Variants in MAN1A1 observed in about 807,000 individuals in gnomAD.
The protein encoded by MAN1A1 is mannosidase alpha class 1A member 1, also known as mannosyl-oligosaccharide 1,2-alpha-mannosidase IA.
Under a neutral mutation model 70.8 loss-of-function variants are expected in MAN1A1, and 29 were observed. The ratio of observed to expected loss-of-function variants is 0.41; its 90% CI spans 0.31 to 0.56. The LOEUF is 0.56. MAN1A1 is among the 20% of genes least tolerant of loss of function. The probability of loss-of-function intolerance (pLI) is 0.29; values close to 1 mark genes in which losing one functional copy is unlikely to be tolerated. For synonymous variants in MAN1A1, 349 were observed against 330.1 expected (o/e 1.06, Z -0.62); for missense variants, 747 against 841.3 (o/e 0.89, Z 1.39).
At chr6:119,336,953 CT>C (rs1270799369) in intron 2 of MAN1A1, among the ~76,000 whole-genome samples, 2 of 151,456 alleles carry the variant, frequency 1.3e-5, no homozygotes, top group African/African-American at 4.8e-5. Context: ...AATAACATAT[CT>C]AAAAAAAAAA....
chr6:119,233,476 T>C (rs1177465152), intron 6 of MAN1A1, among the ~76,000 whole-genome samples: 2 of 152,200 alleles, frequency 1.3e-5, no homozygotes, highest in Non-Finnish European at 2.9e-5. Flanking sequence ...CTTAATGTAA[T>C]GAGACAATAT....
chr6:119,213,947 CA>C lies in MAN1A1; in HGVS notation c.993-9066del, dbSNP rs776948045. On this transcript the variant is annotated intron_variant, in intron 6 of 12. Transcript: ENST00000368468. ...ATTATATTATTAGATAAATATATTG[CA>C]AATGTAATGAAATGCCTAAAAACAT... is the stretch of plus-strand genomic sequence containing the variant. Among the ~76,000 whole-genome samples the C allele has an allele frequency of 3.3e-5, 5 of 152,018 alleles. No individual in the cohort carries two copies. The South Asian group carries it at 1.0e-3, about 32-fold the overall frequency.
chr6:119,348,374 T>G, intron 2 of MAN1A1, 89 bp downstream of exon 2: 2 of 1,281,582 alleles, frequency 1.6e-6, no homozygotes, highest in Non-Finnish European at 2.1e-6. Context: ...ATACATTGCA[T>G]TGTTGCAGTC....
intron 5 of MAN1A1, among the ~76,000 whole-genome samples, chr6:119,269,905 C>T (rs1775869693): frequency 6.6e-6 from 1 of 152,340 alleles, no homozygotes; most frequent in Non-Finnish European, 1.5e-5. Context: ...AAGCTATCCT[C>T]CTGCCTCAGC....
At chr6:119,220,024 C>T (rs1469271409) in intron 6 of MAN1A1, among the ~76,000 whole-genome samples, 1 of 151,874 alleles carries the variant, frequency 6.6e-6, no homozygotes, top group African/African-American at 2.4e-5. Flanking sequence ...AAAATCCATA[C>T]ACTTTTGAAT....
intron 3 of MAN1A1, among the ~76,000 whole-genome samples, chr6:119,304,531 A>AAT (rs1772478469): frequency 6.6e-6 from 1 of 152,200 alleles, no homozygotes; most frequent in Admixed American, 6.5e-5. Context: ...GAAATCTTGA[A>AAT]ATAAATAGTT....
rs1378786746 is a variant in MAN1A1, at chr6:119,346,956, T to C, written c.603+1507A>G. ...TAAGAGGTAGAGCTTTGTTCCACCT[T>C]CCTGATTTGGTAGCACAGGCAGGAT... is the stretch of plus-strand genomic sequence containing the variant. On this transcript the variant is annotated intron_variant, in intron 2 of 12. Transcript: ENST00000368468. 2.0e-5 allele frequency among the ~76,000 whole-genome samples: 3 copies of C among 152,194 alleles called. No homozygotes were observed. The East Asian group carries it at 5.8e-4, about 29-fold the overall frequency.
chr6:119,257,012 T>C (rs1259189436), intron 5 of MAN1A1, among the ~76,000 whole-genome samples: 1 of 152,176 alleles, frequency 6.6e-6, no homozygotes, highest in African/African-American at 2.4e-5. Context: ...AATTAAGTGA[T>C]ACATGCTGTA....
intron 5 of MAN1A1, among the ~76,000 whole-genome samples, chr6:119,289,717 T>G (rs1776481749): frequency 6.6e-6 from 1 of 151,870 alleles, no homozygotes; most frequent in Admixed American, 6.6e-5. Context: ...AAATGTAAGA[T>G]TGTGAAGGTT....
intron 2 of MAN1A1, among the ~76,000 whole-genome samples, chr6:119,321,586 G>C (rs1001813898): frequency 3.3e-5 from 5 of 150,516 alleles, no homozygotes; most frequent in African/African-American, 1.2e-4. Context: ...CCAAGGTCCT[G>C]AAATCTAGTG....
At chr6:119,187,667 T>G (rs1452041302) in intron 11 of MAN1A1, among the ~76,000 whole-genome samples, 2 of 152,356 alleles carry the variant, frequency 1.3e-5, no homozygotes, top group Non-Finnish European at 2.9e-5. Context: ...GAGAGTGTAA[T>G]TAAAGAATTT....
At chr6:119,204,667 T>C in intron 7 of MAN1A1, 92 bp downstream of exon 7, 1 of 1,486,314 alleles carries the variant, frequency 6.7e-7, no homozygotes, top group Non-Finnish European at 9.1e-7. Context: ...TTGGTTATTA[T>C]TTCCACTTCA....
At chr6:119,218,870 T>C (rs1451048352) in intron 6 of MAN1A1, among the ~76,000 whole-genome samples, 1 of 151,502 alleles carries the variant, frequency 6.6e-6, no homozygotes, top group Non-Finnish European at 1.5e-5. Context: ...TAAATAATTA[T>C]CTGTTTTTTT....
intron 2 of MAN1A1, among the ~76,000 whole-genome samples, chr6:119,333,665 A>G (rs1488019711): frequency 6.6e-6 from 1 of 152,262 alleles, no homozygotes; most frequent in African/African-American, 2.4e-5. Context: ...CTATTACCAG[A>G]TCAGTCAAAA....
chr6:119,281,220 T>C (rs142294565), intron 5 of MAN1A1, among the ~76,000 whole-genome samples: 2 of 152,334 alleles, frequency 1.3e-5, no homozygotes, highest in Non-Finnish European at 2.9e-5. Flanking sequence ...TGCCACTTTA[T>C]TGAAGGGTTT....
chr6:119,210,132 G>A (rs181521356), intron 6 of MAN1A1, among the ~76,000 whole-genome samples: 22 of 152,210 alleles, frequency 1.4e-4, no homozygotes, highest in Non-Finnish European at 5.9e-5. Flanking sequence ...TGGGCTGTGC[G>A]GGAAGACGGG....
intron 7 of MAN1A1, among the ~76,000 whole-genome samples, chr6:119,204,555 C>A (rs535166289): frequency 6.6e-6 from 1 of 152,342 alleles, no homozygotes; most frequent in Non-Finnish European, 1.5e-5. Flanking sequence ...GCTGTGCCCT[C>A]ACATCCTGAA....
chr6:119,196,167 GTTATGATTTTCTAA>G (rs1334890149), intron 8 of MAN1A1, among the ~76,000 whole-genome samples: 3 of 152,044 alleles, frequency 2.0e-5, no homozygotes, highest in Non-Finnish European at 4.4e-5. Flanking sequence ...CTCCCCTTGG[GTTATGATTTTCTAA>G]TAGACGGAAG....
intron 6 of MAN1A1, among the ~76,000 whole-genome samples, chr6:119,236,897 T>TAA (rs35611987): frequency 1.1e-4 from 17 of 150,302 alleles, no homozygotes; most frequent in South Asian, 8.4e-4. Context: ...TGGGAGGAAG[T>TAA]AAAAAAAAAA....
Sources: allele counts gnomAD v4.1 joint callset (sites outside exome capture counted in the v4.1 genomes callset), GRCh38; gene constraint gnomAD v4.1.1; transcripts MANE v1.5; gene names NCBI Gene and HGNC (gene_info 2026-07-23, HGNC 2026-07-21).